FKBP5: variants seen among roughly 807,000 people sequenced by gnomAD.
The protein encoded by FKBP5 is peptidyl-prolyl cis-trans isomerase FKBP5.
FKBP5 carries 23 observed loss-of-function variants against 50.5 expected under a neutral mutation model. That is an observed-to-expected ratio of 0.46 (90% CI 0.33 to 0.65). The LOEUF (loss-of-function observed/expected upper bound fraction) is 0.65. Among genes scored for constraint, FKBP5 ranks in the 30% least tolerant of loss-of-function variants. FKBP5 has a pLI of 0.02. For missense variants in FKBP5, 411 were observed against 553.1 expected, an observed-to-expected ratio of 0.74 and a Z score of 2.58; for synonymous variants, 176 against 190.6, an observed-to-expected ratio of 0.92 and a Z score of 0.63.
At chr6:35,713,077 T>TAAAAAAAA (rs34258638) in intron 2 of FKBP5, among the ~76,000 whole-genome samples, 1 of 52,948 alleles carries the variant, frequency 1.9e-5, no homozygotes, top group African/African-American at 8.6e-5. Context: ...ATCTGGTCTC[T>TAAAAAAAA]AAAAAAAAAA....
chr6:35,639,742 C>G (rs1581842514), intron 2 of FKBP5, among the ~76,000 whole-genome samples: 1 of 152,180 alleles, frequency 6.6e-6, no homozygotes, highest in Non-Finnish European at 1.5e-5. Context: ...TAGCAATTCA[C>G]ATATATTCAG....
chr6:35,589,395 C>T (rs981386193), intron 7 of FKBP5, among the ~76,000 whole-genome samples: 39 of 152,058 alleles, frequency 2.6e-4, no homozygotes, highest in African/African-American at 9.2e-4. Context: ...TCCCAAAGTG[C>T]TAGGATTACA....
intron 1 of FKBP5, among the ~76,000 whole-genome samples, chr6:35,647,805 G>C (rs184157113): frequency 6.6e-6 from 1 of 152,292 alleles, no homozygotes; most frequent in East Asian, 1.9e-4. Flanking sequence ...CCATCGAAAG[G>C]ATATGTCAAG....
intron 7 of FKBP5, among the ~76,000 whole-genome samples, chr6:35,588,019 TA>T (rs1762663604): frequency 6.6e-6 from 1 of 151,406 alleles, no homozygotes; most frequent in African/African-American, 2.4e-5. Flanking sequence ...CTTTTATTAT[TA>T]TTATTATTAT....
Position 35,688,803 on chromosome 6 carries a change from CCT to C in FKBP5, c.-21_-20del, listed in dbSNP as rs1765916419. The C allele has an allele frequency of 6.6e-6, 1 of 150,894 alleles. No homozygotes were observed. The highest frequency in any genetic ancestry group is 2.1e-4 in the South Asian group (1 of 4,836). The allele number at this position is 150,894 out of a possible 1,614,324, so 9.3% of individuals were successfully genotyped here. A position where few individuals can be genotyped will look rare whatever the true frequency, so the allele number is the denominator to read the frequency against. Reference sequence around the variant, plus strand: ...CATCTCCGTGGCCATGGCGCCGGTACCTGTCGCCGCGGGGGCTCGCCGACTCC... The same window carrying C: ...CATCTCCGTGGCCATGGCGCCGGTACGTCGCCGCGGGGGCTCGCCGACTCC... On this transcript the variant is annotated splice_region_variant and 5_prime_UTR_variant, in exon 1 of 11. Transcript: ENST00000357266.
At chr6:35,582,942 AGTG>A (rs1387757840) in intron 8 of FKBP5, 2 of 856,946 alleles carry the variant, frequency 2.3e-6, no homozygotes, top group Non-Finnish European at 2.8e-6. Flanking sequence ...CTTTTTCTAA[AGTG>A]GTGTGGTGGC....
At chr6:35,589,546 T>A (rs1762748311) in intron 7 of FKBP5, among the ~76,000 whole-genome samples, 1 of 151,940 alleles carries the variant, frequency 6.6e-6, no homozygotes, top group Admixed American at 6.6e-5. Context: ...ACTCTTGGAG[T>A]GATGACAGAG....
chr6:35,722,892 A>G (rs1766638049), intron 1 of FKBP5, among the ~76,000 whole-genome samples: 1 of 152,232 alleles, frequency 6.6e-6, no homozygotes, highest in African/African-American at 2.4e-5. Flanking sequence ...TTGTGTCCCC[A>G]GTTTGTAGCA....
chr6:35,698,773 C>T (rs1373363326), intron 2 of FKBP5, among the ~76,000 whole-genome samples: 3 of 152,164 alleles, frequency 2.0e-5, no homozygotes, highest in African/African-American at 7.2e-5. Context: ...GGGATCGAGG[C>T]CTCTCACATG....
At chr6:35,598,357 G>A (rs1581799686) in intron 5 of FKBP5, among the ~76,000 whole-genome samples, 1 of 151,908 alleles carries the variant, frequency 6.6e-6, no homozygotes, top group African/African-American at 2.4e-5. Context: ...GAAGTAGCTG[G>A]GATTACAGGT....
chr6:35,593,911 G>GA (rs887039116), intron 6 of FKBP5, among the ~76,000 whole-genome samples: 19 of 150,940 alleles, frequency 1.3e-4, no homozygotes, highest in African/African-American at 4.6e-4. Flanking sequence ...GGAAAGGACG[G>GA]AAAAAAAAGT....
chr6:35,685,907 G>C (rs960066062), intron 1 of FKBP5, among the ~76,000 whole-genome samples: 10 of 151,248 alleles, frequency 6.6e-5, no homozygotes, highest in Non-Finnish European at 1.5e-4. Context: ...GCTTGAACCC[G>C]GGAGGCAGAG....
chr6:35,590,715 A>C lies in FKBP5; in HGVS notation c.756+415T>G, dbSNP rs368049060. 2.0e-3 allele frequency among the ~76,000 whole-genome samples: 309 copies of C among 151,452 alleles called. 3 individuals carry two copies. The highest frequency in any genetic ancestry group is 0.017 in the Middle Eastern group (5 of 292). ...GAGCCACAGTGCAGGCCTCTTCGTG[A>C]CTCCTGTGAAGGGTACAATCCGTTC... On this transcript the variant is annotated intron_variant, in intron 7 of 10. Coordinates refer to ENST00000357266, the MANE Select transcript of FKBP5 (RefSeq NM_004117.4).
intron 9 of FKBP5, among the ~76,000 whole-genome samples, chr6:35,578,208 C>T (rs1762289344): frequency 6.6e-6 from 1 of 151,300 alleles, no homozygotes; most frequent in Non-Finnish European, 1.5e-5. Flanking sequence ...TTTTTTGAGG[C>T]AGGGTCTCAC....
At chr6:35,678,262 T>C (rs80348886) in intron 1 of FKBP5, among the ~76,000 whole-genome samples, 1 of 152,264 alleles carries the variant, frequency 6.6e-6, no homozygotes, top group African/African-American at 2.4e-5. Flanking sequence ...GGGGTCATGT[T>C]GGTATACAGC....
upstream of FKBP5, among the ~76,000 whole-genome samples, chr6:35,693,660 C>T (rs1462502880): frequency 1.3e-5 from 2 of 151,008 alleles, no homozygotes; most frequent in Non-Finnish European, 2.9e-5. Context: ...GCTGGGATTA[C>T]AAGGCACATG....
At chr6:35,665,179 C>T (rs1277563371) in intron 1 of FKBP5, among the ~76,000 whole-genome samples, 1 of 152,148 alleles carries the variant, frequency 6.6e-6, no homozygotes. Flanking sequence ...ACACCCACCA[C>T]ATTACTCTCT....
chr6:35,630,178 G>C (rs1442427366), intron 3 of FKBP5, among the ~76,000 whole-genome samples: 2 of 151,890 alleles, frequency 1.3e-5, no homozygotes, highest in Admixed American at 6.6e-5. Flanking sequence ...GAAAGAGAGA[G>C]AGAGAGAGAG....
intron 6 of FKBP5, among the ~76,000 whole-genome samples, chr6:35,595,407 C>T (rs997596300): frequency 4.6e-5 from 7 of 152,162 alleles, no homozygotes; most frequent in African/African-American, 1.7e-4. Context: ...CATAAATCCA[C>T]CTCTCTGAGT....
Sources: allele counts gnomAD v4.1 joint callset (sites outside exome capture counted in the v4.1 genomes callset), GRCh38; gene constraint gnomAD v4.1.1; transcripts MANE v1.5; gene names NCBI Gene and HGNC (gene_info 2026-07-23, HGNC 2026-07-21).